Variants in SFXN5 observed in about 807,000 individuals in gnomAD.
SFXN5 encodes the protein sideroflexin-5.
A neutral mutation model predicts 50.2 loss-of-function variants in SFXN5; 43 were observed. The ratio of observed to expected loss-of-function variants is 0.86; its 90% confidence interval spans 0.67 to 1.11. SFXN5 has a LOEUF of 1.11. Ranked by LOEUF, SFXN5 falls within the 50% of genes least tolerant of loss-of-function variation. The pLI, the probability that SFXN5 is intolerant of heterozygous loss-of-function variation, is 0.00. For missense variants in SFXN5, 463 were observed against 454.1 expected, an observed-to-expected ratio of 1.02 and a Z score of -0.18; for synonymous variants, 203 against 185.8, an observed-to-expected ratio of 1.09 and a Z score of -0.75.
intron 6 of SFXN5, 139 bp downstream of exon 6, chr2:73,020,100 C>A (rs1676670977): frequency 1.3e-6 from 1 of 748,598 alleles, no homozygotes; most frequent in Admixed American, 2.7e-5. Context: ...AAATACATAT[C>A]ATTTTATTTG....
At chr2:73,030,227 A>G (rs560292867) in intron 3 of SFXN5, among the ~76,000 whole-genome samples, 2 of 152,212 alleles carry the variant, frequency 1.3e-5, no homozygotes, top group African/African-American at 4.8e-5. Flanking sequence ...ATCCATCTCT[A>G]AAGTCTAGCT....
chr2:72,989,640 A>G (rs1450107552), intron 9 of SFXN5, among the ~76,000 whole-genome samples: 1 of 152,082 alleles, frequency 6.6e-6, no homozygotes, highest in African/African-American at 2.4e-5. Flanking sequence ...CAAACATACG[A>G]CGGCATGGAA....
chr2:72,962,157 C>A lies in SFXN5; in HGVS notation c.828-909G>T, dbSNP rs184059608. On this transcript the variant is annotated intron_variant, in intron 12 of 13. Coordinates refer to ENST00000272433, the MANE Select transcript of SFXN5 (RefSeq NM_144579.3). ...GACCACAGCATTCCACCTGGGGAGG[C>A]CTGGGATGACTAGACTATTTGCCAG... Among the ~76,000 whole-genome samples the A allele has an allele frequency of 2.3e-3, 355 of 152,330 alleles. 1 individual carries two copies. The highest frequency in any genetic ancestry group is 4.2e-3 in the Non-Finnish European group (285 of 68,024).
chr2:73,062,707 C>T lies in SFXN5; in HGVS notation c.103-4111G>A, dbSNP rs78056546. Among the ~76,000 whole-genome samples the T allele has an allele frequency of 1.8e-3, 270 of 152,274 alleles. 2 individuals are homozygous for T. The East Asian group carries it at 0.029, about 16-fold the overall frequency. On this transcript the variant is annotated intron_variant, in intron 1 of 13. Transcript: ENST00000272433. ...ACAGCCCATCAAAACAGACTAATAA[C>T]TATAAACAAGTAACTACAAAACACT...
At chr2:72,951,802 G>T (rs540064588) in intron 13 of SFXN5, among the ~76,000 whole-genome samples, 7 of 152,300 alleles carry the variant, frequency 4.6e-5, no homozygotes, top group African/African-American at 1.4e-4. Flanking sequence ...GGGCTTCTGA[G>T]GGTCTGCAGA....
intron 1 of SFXN5, 26 bp from the exon 2 acceptor site, chr2:73,058,622 G>A: frequency 9.9e-6 from 16 of 1,608,854 alleles, no homozygotes; most frequent in Non-Finnish European, 1.3e-5. Flanking sequence ...AGAGAGAAGA[G>A]TGAATGGATC....
rs1573960027 is a variant in SFXN5, at chr2:72,960,954, A to G, written c.945+177T>C. Among the ~76,000 whole-genome samples, 1 of 151,778 alleles carries G rather than the reference A, an allele frequency of 6.6e-6. No homozygotes were observed. Among genetic ancestry groups the G allele is most frequent in the African/African-American group, 2.4e-5 (1 of 41,348 alleles). On this transcript the variant is annotated intron_variant, in intron 13 of 13. Coordinates refer to ENST00000272433, the MANE Select transcript of SFXN5 (RefSeq NM_144579.3). The surrounding 1 kb of genome is among the most constrained non-coding windows in gnomAD (Gnocchi z 6.1). Reference sequence around the variant, plus strand: ...CTCATCTGCTGGCCTCTGTTTAATCACCCTGTTGACTGCGTGACCCTCACT... The same window carrying G: ...CTCATCTGCTGGCCTCTGTTTAATCGCCCTGTTGACTGCGTGACCCTCACT...
At chr2:72,959,993 C>G (rs1257132362) in intron 13 of SFXN5, among the ~76,000 whole-genome samples, 2 of 152,126 alleles carry the variant, frequency 1.3e-5, no homozygotes, top group Non-Finnish European at 2.9e-5. Context: ...AGTGTGACCT[C>G]TCAGGAGGGT....
At chr2:73,034,969 T>C (rs1355231488) in intron 3 of SFXN5, among the ~76,000 whole-genome samples, 1 of 152,216 alleles carries the variant, frequency 6.6e-6, no homozygotes, top group Non-Finnish European at 1.5e-5. Flanking sequence ...TTACAGAAGA[T>C]GTCTCTCCCA....
At chr2:72,969,819 C>T (rs1251695947) in intron 11 of SFXN5, among the ~76,000 whole-genome samples, 1 of 151,924 alleles carries the variant, frequency 6.6e-6, no homozygotes, top group Non-Finnish European at 1.5e-5. Flanking sequence ...CATGCTTCAG[C>T]TGGGTGTCTG....
chr2:73,029,266 T>C (rs897119713), intron 3 of SFXN5, among the ~76,000 whole-genome samples: 4 of 152,212 alleles, frequency 2.6e-5, no homozygotes, highest in African/African-American at 9.6e-5. Context: ...GAAACACACC[T>C]GACTGTGTTC....
Position 73,006,386 on chromosome 2 carries a change from C to A in SFXN5, c.358-4808G>T, listed in dbSNP as rs140122148. Among the ~76,000 whole-genome samples, 979 of 152,294 alleles carry A rather than the reference C, an allele frequency of 6.4e-3. 12 individuals carry two copies. Among genetic ancestry groups the A allele is most frequent in the African/African-American group, 0.022 (931 of 41,566 alleles). On this transcript the variant is annotated intron_variant, in intron 6 of 13. Transcript: ENST00000272433. Reference sequence around the variant, plus strand: ...CCTGCAATCCCAGCACTTTGGGAAGCCAAGGCAGGCGGATCACCTGAGGTC... The same window carrying A: ...CCTGCAATCCCAGCACTTTGGGAAGACAAGGCAGGCGGATCACCTGAGGTC...
At chr2:73,054,602 C>T (rs1490769151) in intron 2 of SFXN5, among the ~76,000 whole-genome samples, 1 of 152,160 alleles carries the variant, frequency 6.6e-6, no homozygotes, top group Non-Finnish European at 1.5e-5. Context: ...GCTCATCCAT[C>T]ACCAAAGCCC....
intron 3 of SFXN5, among the ~76,000 whole-genome samples, chr2:73,038,290 T>A (rs1252368683): frequency 6.6e-6 from 1 of 152,182 alleles, no homozygotes; most frequent in Non-Finnish European, 1.5e-5. Context: ...CAGAAACAGT[T>A]CAGTAAAAAT....
At chr2:72,998,721 A>G (rs1673548027) in intron 9 of SFXN5, 3 of 555,502 alleles carry the variant, frequency 5.4e-6, no homozygotes, top group African/African-American at 3.8e-5. Context: ...GCCCCCAGGC[A>G]CAACCTCACC....
At chr2:73,058,392 T>A (rs113809076) in intron 2 of SFXN5, 136 bp downstream of exon 2, 3 of 728,426 alleles carry the variant, frequency 4.1e-6, no homozygotes, top group Admixed American at 4.6e-5. Flanking sequence ...TAGAGAGAAT[T>A]TGTTACCTTC....
intron 12 of SFXN5, among the ~76,000 whole-genome samples, chr2:72,962,498 G>A (rs1381316935): frequency 3.3e-5 from 5 of 152,222 alleles, no homozygotes; most frequent in African/African-American, 7.2e-5. Context: ...AAATGCCCAA[G>A]GGTTGCTTAC....
At chr2:73,061,558 T>C (rs1468594931) in intron 1 of SFXN5, among the ~76,000 whole-genome samples, 1 of 152,160 alleles carries the variant, frequency 6.6e-6, no homozygotes, top group Non-Finnish European at 1.5e-5. Flanking sequence ...ATGTTAAAAA[T>C]TGGTAGATCT....
chr2:73,055,312 T>A (rs935775957), intron 2 of SFXN5, among the ~76,000 whole-genome samples: 2 of 152,214 alleles, frequency 1.3e-5, no homozygotes. Flanking sequence ...GAGACAAGGG[T>A]CCCCGGGTTC....
Sources: gnomAD v4.1 joint callset for allele counts (sites outside exome capture counted in the v4.1 genomes callset) on GRCh38, gnomAD v4.1.1 for gene constraint, Gnocchi (gnomAD v3.1) non-coding constraint, MANE v1.5 for transcripts, NCBI Gene and HGNC (gene_info 2026-07-23, HGNC 2026-07-21) for gene names.